The following DNPH1 variants were observed in gnomAD, a reference collection of about 807,000 sequenced individuals.
The protein encoded by DNPH1 is 2'-deoxynucleoside 5'-phosphate N-hydrolase 1, also known as 5-hydroxymethyl-dUMP N-hydrolase.
Under a neutral mutation model 15.7 loss-of-function variants are expected in DNPH1, and 18 were observed. The ratio of observed to expected loss-of-function variants is 1.15; its 90% CI spans 0.79 to 1.70. DNPH1 has a LOEUF of 1.70. DNPH1 is among the 40% of genes most tolerant of loss of function. DNPH1 has a pLI of 0.00. For missense variants in DNPH1, 262 were observed against 255.2 expected (o/e 1.03, Z -0.18); for synonymous variants, 114 against 107.9 (o/e 1.06, Z -0.35).
chr6:43,227,185 G>A (rs769334378), intron 1 of DNPH1, among the ~76,000 whole-genome samples: 32 of 152,112 alleles, frequency 2.1e-4, no homozygotes, highest in Non-Finnish European at 4.0e-4. Context: ...GGGAGGCCAA[G>A]GCGGTAGGAT....
Position 43,226,632 on chromosome 6 carries a change from C to T in DNPH1, c.197-237G>A. On this transcript the variant is annotated intron_variant, in intron 1 of 3. Coordinates refer to ENST00000230431, the MANE Select transcript of DNPH1 (RefSeq NM_006443.3). The surrounding 1 kb of genome is among the most constrained non-coding windows in gnomAD (Gnocchi z 4.1). ...AGGGCCGAATGAGGAACATCAGCAG[C>T]ACTAACTGTGGATGACATTGATTAG... 1.9e-6 allele frequency: 1 copy of T among 538,946 alleles called. No individual in the cohort carries two copies. The highest frequency in any genetic ancestry group is 3.3e-6 in the Non-Finnish European group (1 of 305,220). 33.4% of individuals were successfully genotyped at this position (538,946 alleles called of 1,614,324 possible).
chr6:43,225,888 A>G lies in DNPH1; in HGVS notation c.377-7T>C, dbSNP rs750440065. 1 of 1,614,146 alleles carries G rather than the reference A, an allele frequency of 6.2e-7. No individual in the cohort carries two copies. The highest frequency in any genetic ancestry group is 1.1e-5 in the South Asian group (1 of 91,080). On this transcript the variant is annotated splice_region_variant and splice_polypyrimidine_tract_variant and intron_variant, in intron 3 of 3. Coordinates refer to ENST00000230431, the MANE Select transcript of DNPH1 (RefSeq NM_006443.3). ...CGGATCATGGCCGAAAGCACTGGAA[A>G]GGGCAGGGAAAGGTGAAGCTGCCTC...
At position 43,226,668 on chromosome 6, in the gene DNPH1, A is replaced by C; in HGVS notation, c.197-273T>G. The C allele has an allele frequency of 2.1e-6, 1 of 474,968 alleles. No homozygotes were observed. The highest frequency in any genetic ancestry group is 3.7e-6 in the Non-Finnish European group (1 of 268,416). The allele number at this position is 474,968 out of a possible 1,614,324, so 29.4% of individuals were successfully genotyped here. ...GATGACATTGATTAGGGAAAGGTGC[A>C]TGGGCACTTAGCCAAAAGTAGGAGA... On this transcript the variant is annotated intron_variant, in intron 1 of 3. Transcript: ENST00000230431. The surrounding 1 kb of genome is among the most constrained non-coding windows in gnomAD (Gnocchi z 4.1).
chr6:43,228,176 G>A (rs1243777899), intron 1 of DNPH1, among the ~76,000 whole-genome samples: 1 of 151,996 alleles, frequency 6.6e-6, no homozygotes, highest in Admixed American at 6.6e-5. Context: ...AGAATATGAG[G>A]CCAGCATGGG....
rs1319442012 is a variant in DNPH1, at chr6:43,225,666, G to A, written c.*67C>T. The A allele has an allele frequency of 1.3e-6, 2 of 1,578,630 alleles. No homozygotes were observed. Among genetic ancestry groups the A allele is most frequent in the Non-Finnish European group, 1.7e-6 (2 of 1,155,844 alleles). On this transcript the variant is annotated 3_prime_UTR_variant, in exon 4 of 4. Transcript: ENST00000230431. ...CTGTACCTTTTAATTTGCTCCTGGGGCTAAGAGGAAGGAATGGTACTAGAG... is the reference window on the plus strand; with the variant it reads ...CTGTACCTTTTAATTTGCTCCTGGGACTAAGAGGAAGGAATGGTACTAGAG...
At chr6:43,227,781 CACATCAAATATGCTT>C (rs1776764951) in intron 1 of DNPH1, among the ~76,000 whole-genome samples, 2 of 151,976 alleles carry the variant, frequency 1.3e-5, no homozygotes, top group South Asian at 4.2e-4. Context: ...TCCAGACCAG[CACATCAAATATGCTT>C]TAGAGAAATC....
chr6:43,229,469 C>A lies in DNPH1; in HGVS notation c.-13G>T. The A allele has an allele frequency of 3.9e-6, 5 of 1,286,442 alleles. No homozygotes were observed. Among genetic ancestry groups the A allele is most frequent in the Non-Finnish European group, 4.9e-6 (5 of 1,019,366 alleles). 79.7% of individuals were successfully genotyped at this position (1,286,442 alleles called of 1,614,324 possible). On this transcript the variant is annotated 5_prime_UTR_variant, in exon 1 of 4. Transcript: ENST00000230431. ...TGGCAGCAGCCATTCCCCAGCCGCCCGCGCTCTCCGGCGCCAGGGGGCGCC... is the reference window on the plus strand; with the variant it reads ...TGGCAGCAGCCATTCCCCAGCCGCCAGCGCTCTCCGGCGCCAGGGGGCGCC...
rs959268733 is a variant in DNPH1 at position 43,226,886 on chromosome 6, C to A, written c.197-491G>T. Among the ~76,000 whole-genome samples, 1 of 151,706 alleles carries A rather than the reference C, an allele frequency of 6.6e-6. No individual in the cohort carries two copies. Among genetic ancestry groups the A allele is most frequent in the African/African-American group, 2.4e-5 (1 of 41,256 alleles). On this transcript the variant is annotated intron_variant, in intron 1 of 3. Coordinates refer to ENST00000230431, the MANE Select transcript of DNPH1 (RefSeq NM_006443.3). This position sits in a 1 kb window ranked among gnomAD's most constrained non-coding sequence, Gnocchi z 4.1. ...CTTTGGGAGGCTGGGGCGGGTGGAT[C>A]ACTTGAGGTCAGGAGTTCAAAACCA...
At chr6:43,228,597 G>A (rs1378689354) in intron 1 of DNPH1, among the ~76,000 whole-genome samples, 2 of 152,034 alleles carry the variant, frequency 1.3e-5, no homozygotes, top group Non-Finnish European at 1.5e-5. Context: ...AGGCCGAGGC[G>A]GGCAGATCAC....
rs775489251 is a variant in DNPH1 at position 43,226,348 on chromosome 6, C to G, written c.244G>C (p.Glu82Gln). The change falls in exon 2 of 4, where the codon GAG becomes CAG. Residue 82 changes from glutamate (E) to glutamine (Q), a missense_variant. Physicochemically the swap from Glu to Gln is conservative, Grantham distance 29. Transcript: ENST00000230431. The surrounding 1 kb of genome is among the most constrained non-coding windows in gnomAD (Gnocchi z 4.1). ...GDRLIHEQDL[E>Q]WLQQADVVVA... is the part of the protein sequence containing the mutation. ...TCACCGTCCGCCTGCTGCAGCCACT[C>G]CAGGTCCTGCTCATGGATGAGCCTG... 1.2e-6 allele frequency: 2 copies of G among 1,612,940 alleles called. No homozygotes were observed. Among genetic ancestry groups the G allele is most frequent in the Non-Finnish European group, 1.7e-6 (2 of 1,179,956 alleles).
Position 43,226,121 on chromosome 6 carries a change from CTG to C in DNPH1, c.286_287del (p.Gln96AlafsTer8), listed in dbSNP as rs774234932. 1.9e-6 allele frequency: 3 copies of C among 1,613,400 alleles called. No individual in the cohort carries two copies. Among genetic ancestry groups the C allele is most frequent in the South Asian group, 2.2e-5 (2 of 91,086 alleles). ...QADVVVAEVT[Q>X]PSLGVGYELG... ...GCTCATAGCCTACACCCAAGGATGGCTGTGTCACTTCTGCCACGACCACTGGG... is the reference window on the plus strand; with the variant it reads ...GCTCATAGCCTACACCCAAGGATGGCTGTCACTTCTGCCACGACCACTGGG... On this transcript the variant is annotated frameshift_variant, in exon 3 of 4. Coordinates refer to ENST00000230431, the MANE Select transcript of DNPH1 (RefSeq NM_006443.3). LOFTEE classifies it high-confidence loss of function. This position sits in a 1 kb window ranked among gnomAD's most constrained non-coding sequence, Gnocchi z 4.1.
Position 43,225,801 on chromosome 6 carries a change from G to C in DNPH1, c.457C>G (p.Leu153Val). 1 of 1,614,196 alleles carries C rather than the reference G, an allele frequency of 6.2e-7. No individual in the cohort carries two copies. The highest frequency in any genetic ancestry group is 1.1e-5 in the South Asian group (1 of 91,082). ...WDYEEGEVEA[L>V]LDRYFEADPP... ...TCAGCCTCGAAGTATCGATCCAGCA[G>C]GGCCTCCACCTCTCCCTCCTCATAG... The change falls in exon 4 of 4, where the codon CTG becomes GTG. Residue 153 changes from leucine (L) to valine (V), a missense_variant. Coordinates refer to ENST00000230431, the MANE Select transcript of DNPH1 (RefSeq NM_006443.3).
chr6:43,225,935 C>T, intron 3 of DNPH1, 54 bp from the exon 4 acceptor site: 2 of 1,613,922 alleles, frequency 1.2e-6, no homozygotes, highest in Non-Finnish European at 1.7e-6. Context: ...CTCACAGCTC[C>T]CTTACCCCTT....
In DNPH1 at chr6:43,229,373, G is replaced by A; in HGVS notation, c.84C>T (p.Ser28=). 1 of 1,486,378 alleles carries A rather than the reference G, an allele frequency of 6.7e-7. No individual in the cohort carries two copies. The highest frequency in any genetic ancestry group is 8.9e-7 in the Non-Finnish European group (1 of 1,120,150). The allele number at this position is 1,486,378 out of a possible 1,614,324, so 92.1% of individuals were successfully genotyped here. ...TCCTGTCCTCGCGTCCGCCGCGAAT[G>A]CTCCCGCAGAAGTACAGGGCCGGGC... ...PGRPALYFCG[S]IRGGREDRTL... Residue 28 remains serine, a synonymous_variant, in exon 1 of 4, where the codon AGC becomes AGT. Transcript: ENST00000230431.
In DNPH1 at chr6:43,226,122, T is replaced by C. The variant is rs866862716; in HGVS notation, c.287A>G (p.Gln96Arg). 2.5e-6 allele frequency: 4 copies of C among 1,613,426 alleles called. No homozygotes were observed. Among genetic ancestry groups the C allele is most frequent in the Non-Finnish European group, 3.4e-6 (4 of 1,179,982 alleles). ...CTCATAGCCTACACCCAAGGATGGCTGTGTCACTTCTGCCACGACCACTGG... is the reference window on the plus strand; with the variant it reads ...CTCATAGCCTACACCCAAGGATGGCCGTGTCACTTCTGCCACGACCACTGG... ...QADVVVAEVT[Q>R]PSLGVGYELG... is the part of the protein sequence containing the mutation. The change falls in exon 3 of 4, where the codon CAG becomes CGG. Residue 96 changes from glutamine (Q) to arginine (R), a missense_variant. Coordinates refer to ENST00000230431, the MANE Select transcript of DNPH1 (RefSeq NM_006443.3). This position sits in a 1 kb window ranked among gnomAD's most constrained non-coding sequence, Gnocchi z 4.1.
rs760958183 is a variant in DNPH1 at position 43,226,063 on chromosome 6, G to T, written c.346C>A (p.Leu116Met). 1.2e-5 allele frequency: 19 copies of T among 1,613,738 alleles called. No homozygotes were observed. In the East Asian group the frequency reaches 4.0e-4, roughly 34 times the overall value. The change falls in exon 3 of 4, where the codon CTG (leucine) becomes ATG (methionine). Residue 116 changes from leucine to methionine, a missense_variant. Physicochemically the swap from Leu to Met is conservative, Grantham distance 15. Transcript: ENST00000230431. The surrounding 1 kb of genome is among the most constrained non-coding windows in gnomAD (Gnocchi z 4.1). ...GRAVAFNKRILCLFRPQSGRV... is the reference protein window; with the variant it reads ...GRAVAFNKRIMCLFRPQSGRV... ...CCAGACTGCGGGCGGAACAGGCACA[G>T]GATCCGCTTGTTAAAGGCCACGGCC...
At position 43,226,318 on chromosome 6, in the gene DNPH1, G is replaced by A. The variant is rs375466758; in HGVS notation, c.265+9C>T. 28 of 1,611,262 alleles carry A rather than the reference G, an allele frequency of 1.7e-5. No individual in the cohort carries two copies. In the South Asian group the frequency reaches 1.8e-4, roughly 10 times the overall value. On this transcript the variant is annotated intron_variant, in intron 2 of 3. Coordinates refer to ENST00000230431, the MANE Select transcript of DNPH1 (RefSeq NM_006443.3). The surrounding 1 kb of genome is among the most constrained non-coding windows in gnomAD (Gnocchi z 4.1). The stretch of plus-strand genomic sequence containing the variant: ...GAGTTAGGTGCTGGAAGGAGGGAGC[G>A]CCACTCACCGTCCGCCTGCTGCAGC...
chr6:43,225,667 C>T lies in DNPH1; in HGVS notation c.*66G>A. On this transcript the variant is annotated 3_prime_UTR_variant, in exon 4 of 4. Coordinates refer to ENST00000230431, the MANE Select transcript of DNPH1 (RefSeq NM_006443.3). ...TGTACCTTTTAATTTGCTCCTGGGG[C>T]TAAGAGGAAGGAATGGTACTAGAGC... 1.9e-6 allele frequency: 3 copies of T among 1,582,226 alleles called. No individual in the cohort carries two copies. The highest frequency in any genetic ancestry group is 2.6e-6 in the Non-Finnish European group (3 of 1,158,906).
At position 43,225,741 on chromosome 6, in the gene DNPH1, T is replaced by C; in HGVS notation, c.517A>G (p.Thr173Ala). ...AAGAAAGTGAGATTAAGTCAAGTGGTTGGGTCAGGGGAGGCAGCCACCTGC... is the reference window on the plus strand; with the variant it reads ...AAGAAAGTGAGATTAAGTCAAGTGGCTGGGTCAGGGGAGGCAGCCACCTGC... Reference protein sequence around the residue: ...PGQVAASPDPTT With the variant: ...PGQVAASPDPAT The change falls in exon 4 of 4, where the codon ACC (threonine) becomes GCC (alanine). Residue 173 changes from threonine (T) to alanine (A), a missense_variant. Physicochemically the swap from Thr to Ala is moderately conservative, Grantham distance 58. Coordinates refer to ENST00000230431, the MANE Select transcript of DNPH1 (RefSeq NM_006443.3). 1 of 1,614,080 alleles carries C rather than the reference T, an allele frequency of 6.2e-7. No homozygotes were observed. Among genetic ancestry groups the C allele is most frequent in the Non-Finnish European group, 8.5e-7 (1 of 1,180,024 alleles).
Sources: allele counts gnomAD v4.1 joint callset (sites outside exome capture counted in the v4.1 genomes callset), GRCh38; gene constraint gnomAD v4.1.1; non-coding constraint Gnocchi (gnomAD v3.1); transcripts MANE v1.5; gene names NCBI Gene and HGNC (gene_info 2026-07-23, HGNC 2026-07-21).